KDM4C: variants seen among roughly 807,000 people sequenced by gnomAD.
KDM4C encodes the protein lysine demethylase 4C.
In KDM4C, 81 loss-of-function variants were observed where a neutral mutation model predicts 129.3. The observed-to-expected ratio is 0.63, with a 90% CI of 0.52 to 0.75. The LOEUF (loss-of-function observed/expected upper bound fraction) is 0.75, where lower values mean the gene tolerates loss of function less well. KDM4C is among the 30% of genes least tolerant of loss of function. The probability of loss-of-function intolerance (pLI) is 0.00; values close to 1 mark genes in which losing one functional copy is unlikely to be tolerated. For missense variants in KDM4C, 1,457 were observed against 1,304.0 expected (o/e 1.12, Z -1.81); for synonymous variants, 573 against 456.1 (o/e 1.26, Z -3.26).
At chr9:6,857,972 C>T (rs1267616221) in intron 5 of KDM4C, among the ~76,000 whole-genome samples, 1 of 140,558 alleles carries the variant, frequency 7.1e-6, no homozygotes, top group East Asian at 2.2e-4. Context: ...CTATGTTGCC[C>T]AGGCTGGCCT....
chr9:6,975,534 G>A (rs545393229), intron 8 of KDM4C, among the ~76,000 whole-genome samples: 1 of 152,308 alleles, frequency 6.6e-6, no homozygotes, highest in South Asian at 2.1e-4. Context: ...ACTAATTAAT[G>A]TGAGTCCTCT....
intron 8 of KDM4C, among the ~76,000 whole-genome samples, chr9:6,963,312 A>C (rs1830332693): frequency 1.3e-5 from 2 of 152,206 alleles, no homozygotes; most frequent in Admixed American, 6.5e-5. Flanking sequence ...CACATTTTTT[A>C]TTCAGTTATT....
chr9:6,796,622 A>G (rs1489422371), intron 2 of KDM4C, among the ~76,000 whole-genome samples: 2 of 152,224 alleles, frequency 1.3e-5, no homozygotes, highest in African/African-American at 2.4e-5. Context: ...ATGTAACTGA[A>G]TAAAGTTAAT....
rs1841720710 is a variant in KDM4C, at chr9:7,141,341, A to C, written c.2781+13105A>C. The stretch of plus-strand genomic sequence containing the variant: ...AAATACAGACTATAAGAGACTATAA[A>C]AGCCTAAAAACAAAACAAAACAGAA... On this transcript the variant is annotated intron_variant, in intron 19 of 21. Transcript: ENST00000381309. 2.6e-5 allele frequency among the ~76,000 whole-genome samples: 4 copies of C among 151,802 alleles called. 1 individual carries two copies. In the South Asian group the frequency reaches 8.3e-4, roughly 31 times the overall value.
At chr9:6,983,344 T>A (rs896655941) in intron 9 of KDM4C, among the ~76,000 whole-genome samples, 10 of 152,172 alleles carry the variant, frequency 6.6e-5, no homozygotes, top group Admixed American at 6.5e-5. Flanking sequence ...GTAAAAAGCA[T>A]ATATGCCAAA....
intron 18 of KDM4C, among the ~76,000 whole-genome samples, chr9:7,122,265 A>ACACACACACACACACACTCTCTCTCTCT (rs375655422): frequency 2.1e-5 from 3 of 144,714 alleles, no homozygotes; most frequent in African/African-American, 5.2e-5. Context: ...ACACACACAC[A>ACACACACACACACACACTCTCTCTCTCT]CTCTCTCTCT....
In KDM4C at chr9:6,992,291, G is replaced by C. The variant is rs115268682; in HGVS notation, c.1786+1767G>C. Among the ~76,000 whole-genome samples the C allele has an allele frequency of 9.9e-3, 1,507 of 152,250 alleles. 32 individuals carry two copies. The highest frequency in any genetic ancestry group is 0.035 in the African/African-American group (1,452 of 41,532). On this transcript the variant is annotated intron_variant, in intron 12 of 21. Transcript: ENST00000381309. ...ATGTGGGCCATCATAAATTGGCCCA[G>C]AGTTTCTTTTTGGAAAGCAGTTCTG...
At chr9:6,863,383 C>T (rs1841323658) in intron 5 of KDM4C, among the ~76,000 whole-genome samples, 2 of 152,052 alleles carry the variant, frequency 1.3e-5, no homozygotes, top group South Asian at 2.1e-4. Flanking sequence ...TTATTTGGCT[C>T]ACAATTCTGA....
At chr9:6,724,024 G>A (rs1817047503) in intron 1 of KDM4C, 1 of 152,204 alleles carries the variant, frequency 6.6e-6, no homozygotes, top group South Asian at 2.1e-4. Context: ...ATGATTAAGA[G>A]CTTACCTTCA....
intron 1 of KDM4C, among the ~76,000 whole-genome samples, chr9:6,783,416 C>A (rs1331158211): frequency 6.6e-6 from 1 of 152,096 alleles, no homozygotes; most frequent in Non-Finnish European, 1.5e-5. Context: ...GCTTTATACT[C>A]ATCTTCAAAT....
At chr9:6,877,480 G>A (rs1176126315) in intron 5 of KDM4C, among the ~76,000 whole-genome samples, 6 of 152,194 alleles carry the variant, frequency 3.9e-5, no homozygotes, top group South Asian at 2.1e-4. Context: ...GATTACAGGC[G>A]TGAGCCACCA....
intron 19 of KDM4C, among the ~76,000 whole-genome samples, chr9:7,130,277 C>T (rs1351749888): frequency 6.6e-6 from 1 of 152,190 alleles, no homozygotes; most frequent in East Asian, 1.9e-4. Context: ...AGGTCTTTAG[C>T]CATGATAGGA....
intron 2 of KDM4C, among the ~76,000 whole-genome samples, chr9:6,803,061 A>G (rs1385173374): frequency 6.6e-6 from 1 of 152,242 alleles, no homozygotes. Flanking sequence ...CAATGAAGTC[A>G]TTGCCATAAA....
chr9:7,090,861 A>G lies in KDM4C; in HGVS notation c.2425-12824A>G, dbSNP rs147937411. 1.6e-3 allele frequency among the ~76,000 whole-genome samples: 245 copies of G among 152,356 alleles called. 1 individual carries two copies. Among genetic ancestry groups the G allele is most frequent in the African/African-American group, 5.4e-3 (226 of 41,582 alleles). On this transcript the variant is annotated intron_variant, in intron 17 of 21. Coordinates refer to ENST00000381309, the MANE Select transcript of KDM4C (RefSeq NM_015061.6). Reference sequence around the variant, plus strand: ...AAAATAGGCACACACCAGAATATCAATCCATTGTTATGATTTCTCATATGT... The same window carrying G: ...AAAATAGGCACACACCAGAATATCAGTCCATTGTTATGATTTCTCATATGT...
intron 19 of KDM4C, among the ~76,000 whole-genome samples, chr9:7,152,210 AG>A (rs1202414951): frequency 2.0e-5 from 3 of 152,268 alleles, no homozygotes; most frequent in African/African-American, 7.2e-5. Context: ...GAATAGAGTC[AG>A]TAATTCAGAC....
intron 12 of KDM4C, among the ~76,000 whole-genome samples, chr9:6,992,561 ATTCTGTTGCC>A (rs1271102301): frequency 6.6e-6 from 1 of 152,284 alleles, no homozygotes; most frequent in East Asian, 1.9e-4. Flanking sequence ...AACAGAGAAT[ATTCTGTTGCC>A]CGAAGTAAAT....
intron 1 of KDM4C, among the ~76,000 whole-genome samples, chr9:6,775,558 T>TA (rs1412486968): frequency 6.6e-6 from 1 of 151,898 alleles, no homozygotes; most frequent in African/African-American, 2.4e-5. Context: ...GTTTCGTTCT[T>TA]ATTGCCCAGG....
At chr9:7,102,065 A>T (rs1360219065) in intron 17 of KDM4C, among the ~76,000 whole-genome samples, 1 of 152,190 alleles carries the variant, frequency 6.6e-6, no homozygotes, top group Non-Finnish European at 1.5e-5. Flanking sequence ...TAGGCAGATT[A>T]TGATGTCTTT....
At chr9:6,828,392 C>T (rs932349030) in intron 4 of KDM4C, among the ~76,000 whole-genome samples, 1 of 152,022 alleles carries the variant, frequency 6.6e-6, no homozygotes, top group South Asian at 2.1e-4. Context: ...TGTGATCTGC[C>T]TGCCTCGGCC....
Sources: allele counts gnomAD v4.1 joint callset (sites outside exome capture counted in the v4.1 genomes callset), GRCh38; gene constraint gnomAD v4.1.1; transcripts MANE v1.5; gene names NCBI Gene and HGNC (gene_info 2026-07-23, HGNC 2026-07-21).